LHFPL2: variants seen among roughly 807,000 people sequenced by gnomAD.
The protein encoded by LHFPL2 is LHFPL tetraspan subfamily member 2 protein.
A neutral mutation model predicts 17.5 loss-of-function variants in LHFPL2; 7 were observed. The ratio of observed to expected loss-of-function variants is 0.40; its 90% CI spans 0.23 to 0.75. LHFPL2 has a LOEUF of 0.75. Among genes scored for constraint, LHFPL2 ranks in the 30% least tolerant of loss-of-function variants. The pLI is 0.37. For synonymous variants in LHFPL2, 134 were observed against 116.2 expected (o/e 1.15, Z -0.99); for missense variants, 241 against 294.8 (o/e 0.82, Z 1.34).
intron 3 of LHFPL2, among the ~76,000 whole-genome samples, chr5:78,530,172 AT>A (rs1168075889): frequency 6.6e-6 from 1 of 152,190 alleles, no homozygotes; most frequent in Non-Finnish European, 1.5e-5. Flanking sequence ...ATTGCAAATA[AT>A]TTTTTTAAAT....
intron 2 of LHFPL2, among the ~76,000 whole-genome samples, chr5:78,582,858 G>A (rs1277503597): frequency 3.9e-5 from 6 of 152,104 alleles, no homozygotes; most frequent in African/African-American, 7.2e-5. Context: ...TTTCTGTCTC[G>A]TTGATCTGTC....
intron 2 of LHFPL2, among the ~76,000 whole-genome samples, chr5:78,582,985 A>G (rs1368666670): frequency 6.6e-6 from 1 of 152,140 alleles, no homozygotes; most frequent in Non-Finnish European, 1.5e-5. Context: ...TTGGGTGCAT[A>G]TATATTTAGG....
intron 2 of LHFPL2, among the ~76,000 whole-genome samples, chr5:78,629,950 T>C (rs1745182022): frequency 6.6e-6 from 1 of 152,242 alleles, no homozygotes. Flanking sequence ...GAAAACGCAG[T>C]ACCTTATTAA....
At chr5:78,556,587 G>GT (rs1580804606) in intron 3 of LHFPL2, among the ~76,000 whole-genome samples, 2 of 151,968 alleles carry the variant, frequency 1.3e-5, no homozygotes, top group African/African-American at 2.4e-5. Context: ...GATATTCAAG[G>GT]TTGATATTTA....
At chr5:78,558,075 G>A (rs1466509659) in intron 3 of LHFPL2, among the ~76,000 whole-genome samples, 2 of 152,158 alleles carry the variant, frequency 1.3e-5, no homozygotes, top group South Asian at 2.1e-4. Context: ...GAGCAGACAC[G>A]GTATTTACAG....
intron 3 of LHFPL2, among the ~76,000 whole-genome samples, chr5:78,525,844 G>A (rs1755607644): frequency 1.3e-5 from 2 of 152,212 alleles, no homozygotes; most frequent in Non-Finnish European, 2.9e-5. Flanking sequence ...CCACTGCAAG[G>A]TGCAGAGGAC....
At chr5:78,572,874 C>T (rs1015893405) in intron 2 of LHFPL2, among the ~76,000 whole-genome samples, 2 of 152,116 alleles carry the variant, frequency 1.3e-5, no homozygotes, top group African/African-American at 4.8e-5. Flanking sequence ...ACTGTTCCAC[C>T]TTAGATCATC....
intron 2 of LHFPL2, among the ~76,000 whole-genome samples, chr5:78,618,586 C>T (rs942598529): frequency 2.6e-5 from 4 of 152,322 alleles, no homozygotes; most frequent in Admixed American, 2.0e-4. Flanking sequence ...CGAAGCGGAG[C>T]TCAGGGCTTG....
intron 2 of LHFPL2, among the ~76,000 whole-genome samples, chr5:78,578,626 C>G (rs1757196125): frequency 6.8e-6 from 1 of 147,384 alleles, no homozygotes; most frequent in Non-Finnish European, 1.5e-5. Context: ...CACACAGAGA[C>G]AGGTCATATG....
rs1170437043 is a variant in LHFPL2 at position 78,552,612 on chromosome 5, T to TG, written c.-186+12200dup. ...GATTCTAAGAGCAGGTATGCTCCTC[T>TG]GGCACGGCCAAAGGCACCAGCACAC... On this transcript the variant is annotated intron_variant, in intron 3 of 4. Transcript: ENST00000380345. Among the ~76,000 whole-genome samples, 8 of 152,344 alleles carry TG rather than the reference T, an allele frequency of 5.3e-5. No individual in the cohort carries two copies. The East Asian group carries it at 1.5e-3, about 29-fold the overall frequency.
In LHFPL2 at chr5:78,642,978, C is replaced by G. The variant is rs147833964; in HGVS notation, c.-350+5521G>C. ...CTCCCAGCTCACCTTGTTCCCCCCC[C>G]TCCTTGTTACCTAGCCCACCTTATG... On this transcript the variant is annotated intron_variant, in intron 1 of 4. Transcript: ENST00000380345. Among the ~76,000 whole-genome samples, 479 of 152,288 alleles carry G rather than the reference C, an allele frequency of 3.1e-3. 1 individual carries two copies. The highest frequency in any genetic ancestry group is 0.011 in the African/African-American group (458 of 41,560).
At chr5:78,542,394 G>T (rs994468622) in intron 3 of LHFPL2, among the ~76,000 whole-genome samples, 8 of 152,136 alleles carry the variant, frequency 5.3e-5, no homozygotes, top group Non-Finnish European at 8.8e-5. Context: ...CACAAGCAAA[G>T]GCTGCTTGTA....
chr5:78,516,669 C>T (rs1023090807), intron 3 of LHFPL2, among the ~76,000 whole-genome samples: 1 of 152,166 alleles, frequency 6.6e-6, no homozygotes, highest in African/African-American at 2.4e-5. Flanking sequence ...TCTGCGCATT[C>T]ATGATATTTA....
rs181562674 is a variant in LHFPL2 at position 78,541,531 on chromosome 5, A to G, written c.-186+23282T>C. Among the ~76,000 whole-genome samples the G allele has an allele frequency of 1.5e-3, 223 of 152,296 alleles. 2 individuals are homozygous for G. The highest frequency in any genetic ancestry group is 2.4e-3 in the Non-Finnish European group (161 of 68,014). ...AAAACGCAAAGTCAGTCCCCGGCCC[A>G]GTTCACTCTGTCAGGAGCTCATGAC... On this transcript the variant is annotated intron_variant, in intron 3 of 4. Coordinates refer to ENST00000380345, the MANE Select transcript of LHFPL2 (RefSeq NM_005779.3).
intron 4 of LHFPL2, chr5:78,494,529 T>C: frequency 4.1e-6 from 4 of 985,374 alleles, no homozygotes; most frequent in Non-Finnish European, 4.8e-6. Flanking sequence ...GATTCAACCT[T>C]ATCTGTAGAG....
At chr5:78,613,340 A>G (rs903912315) in intron 2 of LHFPL2, among the ~76,000 whole-genome samples, 2 of 152,160 alleles carry the variant, frequency 1.3e-5, no homozygotes, top group African/African-American at 4.8e-5. Context: ...GGCAACCAGA[A>G]GTGACCAGGC....
At chr5:78,565,073 G>A (rs975804680) in intron 2 of LHFPL2, among the ~76,000 whole-genome samples, 8 of 152,158 alleles carry the variant, frequency 5.3e-5, no homozygotes, top group African/African-American at 1.7e-4. Context: ...AACCACTGAT[G>A]AACCAGAAAA....
At chr5:78,513,491 A>G (rs1372998787) in intron 3 of LHFPL2, among the ~76,000 whole-genome samples, 6 of 152,344 alleles carry the variant, frequency 3.9e-5, no homozygotes, top group Admixed American at 2.6e-4. Flanking sequence ...GCTAACTGCT[A>G]CTATCAGAGG....
chr5:78,577,801 GC>G (rs1469273735), intron 2 of LHFPL2, among the ~76,000 whole-genome samples: 7 of 151,094 alleles, frequency 4.6e-5, no homozygotes, highest in Non-Finnish European at 1.0e-4. Context: ...TGTCCTTTGA[GC>G]TTTTTTTTTT....
Sources: allele counts gnomAD v4.1 joint callset (sites outside exome capture counted in the v4.1 genomes callset), GRCh38; gene constraint gnomAD v4.1.1; transcripts MANE v1.5; gene names NCBI Gene and HGNC (gene_info 2026-07-23, HGNC 2026-07-21).